ERN1: variants seen among roughly 807,000 people sequenced by gnomAD.
The protein encoded by ERN1 is endoplasmic reticulum to nucleus signaling 1, also known as serine/threonine-protein kinase/endoribonuclease IRE1.
ERN1 carries 39 observed loss-of-function variants against 113.1 expected under a neutral mutation model. The observed-to-expected ratio is 0.34, with a 90% CI of 0.27 to 0.45. ERN1 has a LOEUF of 0.45. Among genes scored for constraint, ERN1 ranks in the 20% least tolerant of loss-of-function variants. The probability of loss-of-function intolerance (pLI) is 1.00; values close to 1 mark genes in which losing one functional copy is unlikely to be tolerated. For synonymous variants in ERN1, 507 were observed against 515.9 expected (o/e 0.98, Z 0.23); for missense variants, 976 against 1,274.8 (o/e 0.77, Z 3.57).
rs1915200772 is a variant in ERN1 at position 64,130,082 on chromosome 17, G to C, written c.-53C>G. ...GCGGTACGGACAGAGGACGGGGCGGGGGCGCCGCGACGACAGCGAGGCGGT... is the reference window on the plus strand; with the variant it reads ...GCGGTACGGACAGAGGACGGGGCGGCGGCGCCGCGACGACAGCGAGGCGGT... On this transcript the variant is annotated 5_prime_UTR_variant, in exon 1 of 22. Transcript: ENST00000433197. The surrounding 1 kb of genome is among the most constrained non-coding windows in gnomAD (Gnocchi z 4.0). 10 of 1,319,422 alleles carry C rather than the reference G, an allele frequency of 7.6e-6. No individual in the cohort carries two copies. The highest frequency in any genetic ancestry group is 1.5e-5 in the African/African-American group (1 of 64,760). The allele number at this position is 1,319,422 out of a possible 1,614,324, so 81.7% of individuals were successfully genotyped here.
intron 4 of ERN1, among the ~76,000 whole-genome samples, chr17:64,075,924 C>G (rs936611425): frequency 3.3e-5 from 5 of 152,152 alleles, no homozygotes; most frequent in African/African-American, 1.2e-4. Context: ...GCTCAAGCTT[C>G]GAGGGAAAGG....
At chr17:64,076,960 G>A (rs1913611020) in intron 4 of ERN1, among the ~76,000 whole-genome samples, 1 of 152,174 alleles carries the variant, frequency 6.6e-6, no homozygotes, top group Admixed American at 6.5e-5. Context: ...TCTCCAGGCT[G>A]TTTCCACACC....
rs755040095 is a variant in ERN1 at position 64,052,818 on chromosome 17, C to T, written c.2215G>A (p.Ala739Thr). ...CAGTCTTCGCTCAGCATCTCTGGAG[C>T]GATCCAGCCTTCTGTGCCAGGCACC... ...SGVPGTEGWI[A>T]PEMLSEDCKE... is the part of the protein sequence containing the mutation. The change falls in exon 17 of 22, where the codon GCT becomes ACT. Residue 739 changes from alanine to threonine, a missense_variant. By Grantham distance (58) the Ala-to-Thr change is moderately conservative (BLOSUM62 0). This residue lies in a region of ERN1 where 297 missense variants were observed against 457.8 expected (regional missense o/e 0.65). Coordinates refer to ENST00000433197, the MANE Select transcript of ERN1 (RefSeq NM_001433.5). 1 of 1,613,998 alleles carries T rather than the reference C, an allele frequency of 6.2e-7. No individual in the cohort carries two copies. The highest frequency in any genetic ancestry group is 8.5e-7 in the Non-Finnish European group (1 of 1,179,904).
intron 1 of ERN1, among the ~76,000 whole-genome samples, chr17:64,111,925 C>T (rs1388566518): frequency 6.6e-6 from 1 of 152,158 alleles, no homozygotes; most frequent in Non-Finnish European, 1.5e-5. Flanking sequence ...ACTCAAAAAC[C>T]TGATAATCCA....
At chr17:64,098,089 T>C in intron 2 of ERN1, 32 bp downstream of exon 2, 1 of 1,612,390 alleles carries the variant, frequency 6.2e-7, no homozygotes. Flanking sequence ...TAAGCAAATG[T>C]CCATGTCGCC....
At chr17:64,077,042 CCA>C (rs1567871930) in intron 4 of ERN1, among the ~76,000 whole-genome samples, 1 of 152,190 alleles carries the variant, frequency 6.6e-6, no homozygotes, top group Non-Finnish European at 1.5e-5. Context: ...CTCACTCACC[CCA>C]GTTTCTGGCA....
chr17:64,121,310 G>A (rs2143505304), intron 1 of ERN1, among the ~76,000 whole-genome samples: 1 of 152,362 alleles, frequency 6.6e-6, no homozygotes, highest in East Asian at 1.9e-4. Context: ...ACTTCTTGGT[G>A]AAGGCTGTGA....
intron 4 of ERN1, among the ~76,000 whole-genome samples, chr17:64,075,448 T>G (rs764594335): frequency 6.6e-6 from 1 of 152,168 alleles, no homozygotes; most frequent in Non-Finnish European, 1.5e-5. Flanking sequence ...TTTTCATTTT[T>G]TTGAGACAGG....
At chr17:64,061,441 T>C (rs1245724507) in intron 10 of ERN1, among the ~76,000 whole-genome samples, 1 of 152,232 alleles carries the variant, frequency 6.6e-6, no homozygotes, top group Non-Finnish European at 1.5e-5. Flanking sequence ...CTTTCCATTG[T>C]TCCCCTAAAC....
chr17:64,110,254 G>A (rs1402920968), intron 1 of ERN1, among the ~76,000 whole-genome samples: 5 of 151,938 alleles, frequency 3.3e-5, no homozygotes, highest in Non-Finnish European at 7.4e-5. Flanking sequence ...ATATACTTAC[G>A]GTGTACAACA....
chr17:64,050,522 A>C (rs1912650278), intron 17 of ERN1, among the ~76,000 whole-genome samples: 1 of 152,202 alleles, frequency 6.6e-6, no homozygotes, highest in African/African-American at 2.4e-5. Flanking sequence ...TGGTTACAAG[A>C]GCTGCTGCGG....
At chr17:64,066,304 AT>A (rs1415696833) in intron 8 of ERN1, among the ~76,000 whole-genome samples, 1 of 152,006 alleles carries the variant, frequency 6.6e-6, no homozygotes, top group Non-Finnish European at 1.5e-5. Context: ...CTATACCTTT[AT>A]TTGTGTGTGT....
chr17:64,094,765 A>C (rs1914185278), intron 2 of ERN1, among the ~76,000 whole-genome samples: 1 of 149,126 alleles, frequency 6.7e-6, no homozygotes. Flanking sequence ...GCAGACTCCC[A>C]CCCCAACCTG....
At chr17:64,051,074 G>A (rs919261717) in intron 17 of ERN1, among the ~76,000 whole-genome samples, 2 of 150,940 alleles carry the variant, frequency 1.3e-5, no homozygotes, top group African/African-American at 2.4e-5. Context: ...AACAATTTGT[G>A]TATCAAAAGA....
chr17:64,082,997 A>T (rs1913814986), intron 2 of ERN1, among the ~76,000 whole-genome samples: 5 of 152,230 alleles, frequency 3.3e-5, no homozygotes, highest in Admixed American at 3.3e-4. Flanking sequence ...TTATTAAGAC[A>T]GTTCTGACAG....
At chr17:64,067,505 G>A (rs1011107354) in intron 7 of ERN1, among the ~76,000 whole-genome samples, 1 of 151,750 alleles carries the variant, frequency 6.6e-6, no homozygotes, top group Non-Finnish European at 1.5e-5. Flanking sequence ...CTACTCAGTA[G>A]GCTGAGGTGG....
At chr17:64,045,616 T>TCC (rs1203941049) in intron 19 of ERN1, 134 bp from the exon 20 acceptor site, 4 of 1,029,894 alleles carry the variant, frequency 3.9e-6, no homozygotes, top group South Asian at 1.5e-5. Flanking sequence ...CCCTGCCCCC[T>TCC]CCCTCCCTCA....
intron 17 of ERN1, among the ~76,000 whole-genome samples, chr17:64,051,157 GAAAA>G (rs57358024): frequency 6.9e-6 from 1 of 143,948 alleles, no homozygotes; most frequent in Non-Finnish European, 1.5e-5. Context: ...TAGCGATTAA[GAAAA>G]AAAAAAAAGA....
intron 1 of ERN1, among the ~76,000 whole-genome samples, chr17:64,126,200 C>T (rs562020569): frequency 6.6e-6 from 1 of 152,210 alleles, no homozygotes; most frequent in South Asian, 2.1e-4. Flanking sequence ...GGTTACAAGC[C>T]CAGTTATTTG....
Sources: gnomAD v4.1 joint callset for allele counts (sites outside exome capture counted in the v4.1 genomes callset) on GRCh38, gnomAD v4.1.1 for gene constraint, gnomAD v4.1.1 regional missense constraint, Gnocchi (gnomAD v3.1) non-coding constraint, MANE v1.5 for transcripts, NCBI Gene and HGNC (gene_info 2026-07-23, HGNC 2026-07-21) for gene names.